DOCK2: variants seen among roughly 807,000 people sequenced by gnomAD.
DOCK2 encodes dedicator of cytokinesis 2, also known as dedicator of cytokinesis protein 2.
Under a neutral mutation model 248.9 loss-of-function variants are expected in DOCK2, and 87 were observed. The observed-to-expected ratio is 0.35, with a 90% CI of 0.29 to 0.42. The LOEUF (loss-of-function observed/expected upper bound fraction) is 0.42, where lower values mean the gene tolerates loss of function less well. Ranked by LOEUF, DOCK2 falls within the 10% of genes least tolerant of loss-of-function variation. The pLI, the probability that DOCK2 is intolerant of heterozygous loss-of-function variation, is 1.00. For missense variants in DOCK2, 1,747 were observed against 2,300.2 expected, an observed-to-expected ratio of 0.76 and a Z score of 4.92; for synonymous variants, 805 against 821.6, an observed-to-expected ratio of 0.98 and a Z score of 0.35.
chr5:169,645,258 T>G (rs183300611), intron 1 of DOCK2, among the ~76,000 whole-genome samples: 7 of 152,332 alleles, frequency 4.6e-5, no homozygotes, highest in Non-Finnish European at 7.3e-5. Context: ...ACCAACAGTG[T>G]AAAAGTATTC....
chr5:169,715,170 A>C (rs1761830244), intron 19 of DOCK2, among the ~76,000 whole-genome samples: 1 of 152,202 alleles, frequency 6.6e-6, no homozygotes, highest in African/African-American at 2.4e-5. Flanking sequence ...TTGCATCCAC[A>C]TGGTAGTGGA....
chr5:169,766,143 G>T (rs893421938), intron 25 of DOCK2, among the ~76,000 whole-genome samples: 1 of 152,058 alleles, frequency 6.6e-6, no homozygotes, highest in Non-Finnish European at 1.5e-5. Flanking sequence ...CATGTCAGGG[G>T]TTTCATGTGC....
At chr5:169,864,704 C>T (rs1305637759) in intron 27 of DOCK2, among the ~76,000 whole-genome samples, 8 of 152,148 alleles carry the variant, frequency 5.3e-5, no homozygotes, top group Non-Finnish European at 8.8e-5. Context: ...GTCAGTGAGA[C>T]CTGATGGCAA....
chr5:170,071,546 A>C (rs2113871318), intron 46 of DOCK2, among the ~76,000 whole-genome samples: 1 of 152,342 alleles, frequency 6.6e-6, no homozygotes, highest in East Asian at 1.9e-4. Context: ...TTGGCATAAA[A>C]AGATGTCTAT....
chr5:169,771,157 A>G (rs1765064374), intron 25 of DOCK2, among the ~76,000 whole-genome samples: 1 of 152,252 alleles, frequency 6.6e-6, no homozygotes, highest in Non-Finnish European at 1.5e-5. Flanking sequence ...ATGGGCTTAG[A>G]CTACATCATC....
chr5:169,901,960 G>A (rs1398248112), intron 27 of DOCK2, among the ~76,000 whole-genome samples: 1 of 152,220 alleles, frequency 6.6e-6, no homozygotes, highest in Admixed American at 6.5e-5. Flanking sequence ...TTTGGAGCAT[G>A]AGTGGTGTAC....
chr5:169,805,154 G>A (rs919541188), intron 26 of DOCK2, among the ~76,000 whole-genome samples: 12 of 150,904 alleles, frequency 8.0e-5, no homozygotes, highest in East Asian at 1.9e-4. Context: ...CCAGGGAGGA[G>A]GATTACTTGA....
intron 6 of DOCK2, among the ~76,000 whole-genome samples, chr5:169,679,087 G>C (rs946030302): frequency 6.6e-6 from 1 of 152,084 alleles, no homozygotes; most frequent in East Asian, 1.9e-4. Flanking sequence ...TTTTAGGCTG[G>C]CATATGCAGT....
chr5:169,931,736 G>A (rs746007037), intron 27 of DOCK2, among the ~76,000 whole-genome samples: 1 of 152,132 alleles, frequency 6.6e-6, no homozygotes, highest in Non-Finnish European at 1.5e-5. Flanking sequence ...ATGGGAGAAG[G>A]TGGCTGGCAC....
intron 1 of DOCK2, among the ~76,000 whole-genome samples, chr5:169,645,932 GT>G (rs1229620879): frequency 6.6e-6 from 1 of 152,004 alleles, no homozygotes; most frequent in East Asian, 1.9e-4. Context: ...TGTATTTTTA[GT>G]AGAGACGGGG....
intron 27 of DOCK2, among the ~76,000 whole-genome samples, chr5:169,854,132 T>G (rs1232773869): frequency 6.6e-6 from 1 of 151,698 alleles, no homozygotes; most frequent in Admixed American, 6.6e-5. Flanking sequence ...CAAAAACAAC[T>G]TTGACACTAT....
chr5:169,649,995 G>T (rs1757710365), intron 1 of DOCK2, among the ~76,000 whole-genome samples: 1 of 152,078 alleles, frequency 6.6e-6, no homozygotes, highest in Admixed American at 6.6e-5. Flanking sequence ...GTACAGTCGG[G>T]GTTTCACCAT....
chr5:169,752,006 A>T (rs1474146503), intron 23 of DOCK2, among the ~76,000 whole-genome samples: 1 of 151,468 alleles, frequency 6.6e-6, no homozygotes, highest in Non-Finnish European at 1.5e-5. Context: ...TCTCTATGCC[A>T]CAGGTAAGGT....
intron 25 of DOCK2, among the ~76,000 whole-genome samples, chr5:169,802,359 G>A (rs538209346): frequency 8.3e-4 from 127 of 152,198 alleles, no homozygotes; most frequent in African/African-American, 2.8e-3. Context: ...ACAGGTTTTC[G>A]CCACGTTGGC....
chr5:169,825,212 C>T lies in DOCK2; in HGVS notation c.2704-15545C>T, dbSNP rs542430604. Among the ~76,000 whole-genome samples, 38 of 152,242 alleles carry T rather than the reference C, an allele frequency of 2.5e-4. 1 individual carries two copies. In the South Asian group the frequency reaches 5.2e-3, roughly 21 times the overall value. ...TCAACCATTGTGGAAGACATTTTGG[C>T]GATTCCTCAGGGATCTAGAACTAGA... On this transcript the variant is annotated intron_variant, in intron 26 of 51. Transcript: ENST00000520908.
chr5:169,857,233 A>G (rs897334677), intron 27 of DOCK2, among the ~76,000 whole-genome samples: 4 of 152,232 alleles, frequency 2.6e-5, no homozygotes, highest in African/African-American at 7.2e-5. Context: ...AATCTGCTTT[A>G]ATTTCAAAAG....
intron 23 of DOCK2, among the ~76,000 whole-genome samples, chr5:169,750,878 C>T (rs1360081205): frequency 6.6e-6 from 1 of 152,174 alleles, no homozygotes; most frequent in African/African-American, 2.4e-5. Flanking sequence ...GGTGTCAAGC[C>T]CATGTGATGT....
Position 169,714,218 on chromosome 5 carries a change from G to A in DOCK2, c.1843+7G>A, listed in dbSNP as rs376301657. ...ACAAAGCTCACTCAGAATGGTAATC[G>A]GGTCATCAAGAGTTGTGTCTGTGGG... On this transcript the variant is annotated splice_region_variant and intron_variant, in intron 18 of 51. Coordinates refer to ENST00000520908, the MANE Select transcript of DOCK2 (RefSeq NM_004946.3). The A allele has an allele frequency of 1.4e-5, 23 of 1,603,228 alleles. No homozygotes were observed. Among genetic ancestry groups the A allele is most frequent in the African/African-American group, 1.1e-4 (8 of 74,612 alleles).
intron 46 of DOCK2, among the ~76,000 whole-genome samples, chr5:170,073,651 A>G (rs759778437): frequency 6.6e-6 from 1 of 152,050 alleles, no homozygotes; most frequent in Non-Finnish European, 1.5e-5. Flanking sequence ...TCTTTCATAT[A>G]TCTTATTAGA....
Sources: gnomAD v4.1 joint callset for allele counts (sites outside exome capture counted in the v4.1 genomes callset) on GRCh38, gnomAD v4.1.1 for gene constraint, MANE v1.5 for transcripts, NCBI Gene and HGNC (gene_info 2026-07-23, HGNC 2026-07-21) for gene names.